The following CYP7B1 variants were observed in gnomAD, a reference collection of about 807,000 sequenced individuals.
The protein encoded by CYP7B1 is cytochrome P450 7B1.
CYP7B1 carries 29 observed loss-of-function variants against 42.7 expected under a neutral mutation model. That is an observed-to-expected ratio of 0.68 (90% CI 0.51 to 0.93). The LOEUF is 0.93. Among genes scored for constraint, CYP7B1 ranks in the 40% least tolerant of loss-of-function variants. The pLI, the probability that CYP7B1 is intolerant of heterozygous loss-of-function variation, is 0.00. For synonymous variants in CYP7B1, 235 were observed against 218.2 expected (o/e 1.08, Z -0.68); for missense variants, 655 against 600.5 (o/e 1.09, Z -0.95).
chr8:64,758,330 C>A (rs1807837159), intron 1 of CYP7B1, among the ~76,000 whole-genome samples: 1 of 152,158 alleles, frequency 6.6e-6, no homozygotes, highest in Middle Eastern at 3.2e-3. Flanking sequence ...CTGCTGCAGA[C>A]AATCTCCATC....
chr8:64,735,278 A>G (rs1807470257), intron 1 of CYP7B1, among the ~76,000 whole-genome samples: 2 of 152,248 alleles, frequency 1.3e-5, no homozygotes, highest in South Asian at 4.1e-4. Flanking sequence ...AATTATTTTG[A>G]GCTGATTTTG....
chr8:64,785,241 T>G (rs956939267), intron 1 of CYP7B1, among the ~76,000 whole-genome samples: 3 of 152,128 alleles, frequency 2.0e-5, no homozygotes, highest in African/African-American at 7.2e-5. Flanking sequence ...AAAGCAAGTC[T>G]CATTCATCGC....
intron 1 of CYP7B1, among the ~76,000 whole-genome samples, chr8:64,717,203 T>C (rs940852586): frequency 6.6e-6 from 1 of 152,222 alleles, no homozygotes; most frequent in Non-Finnish European, 1.5e-5. Flanking sequence ...CTTTTTTTTA[T>C]ACTTTTAAGT....
chr8:64,679,181 TATTC>T (rs757917504), intron 1 of CYP7B1, among the ~76,000 whole-genome samples: 1 of 152,080 alleles, frequency 6.6e-6, no homozygotes, highest in East Asian at 1.9e-4. Flanking sequence ...ACATTTCATA[TATTC>T]ATTCATTCAT....
intron 1 of CYP7B1, among the ~76,000 whole-genome samples, chr8:64,705,928 G>C (rs1585867727): frequency 6.6e-6 from 1 of 152,130 alleles, no homozygotes; most frequent in South Asian, 2.1e-4. Context: ...CAGAAAGATG[G>C]CACTTTGGTA....
chr8:64,769,892 C>A (rs1290217008), intron 1 of CYP7B1, among the ~76,000 whole-genome samples: 1 of 152,138 alleles, frequency 6.6e-6, no homozygotes, highest in Non-Finnish European at 1.5e-5. Flanking sequence ...GGCCAAGTAC[C>A]ACCACCTTCA....
At chr8:64,738,544 A>G (rs1355374149) in intron 1 of CYP7B1, among the ~76,000 whole-genome samples, 1 of 152,038 alleles carries the variant, frequency 6.6e-6, no homozygotes, top group East Asian at 1.9e-4. Context: ...AAACACACAC[A>G]CACGCACACA....
chr8:64,609,498 T>A (rs1805333579), intron 4 of CYP7B1, among the ~76,000 whole-genome samples: 2 of 152,186 alleles, frequency 1.3e-5, no homozygotes, highest in South Asian at 4.1e-4. Context: ...CCTTTCAAAG[T>A]ATGTAAAGAC....
chr8:64,733,559 C>T (rs553410147), intron 1 of CYP7B1, among the ~76,000 whole-genome samples: 1 of 152,130 alleles, frequency 6.6e-6, no homozygotes, highest in Non-Finnish European at 1.5e-5. Flanking sequence ...CTCTACCATA[C>T]GCTAGTACTG....
chr8:64,716,644 T>C (rs1032535884), intron 1 of CYP7B1, among the ~76,000 whole-genome samples: 5 of 151,934 alleles, frequency 3.3e-5, no homozygotes, highest in Non-Finnish European at 5.9e-5. Context: ...GAGGTGGAGG[T>C]TGCAGTGAGC....
chr8:64,798,678 C>T lies in CYP7B1; in HGVS notation c.-91G>A, dbSNP rs1804754168. 2 of 1,369,518 alleles carry T rather than the reference C, an allele frequency of 1.5e-6. No individual in the cohort carries two copies. The highest frequency in any genetic ancestry group is 1.5e-5 in the South Asian group (1 of 65,440). The allele number at this position is 1,369,518 out of a possible 1,614,324, so 84.8% of individuals were successfully genotyped here. A position where few individuals can be genotyped will look rare whatever the true frequency, so the allele number is the denominator to read the frequency against. ...TGCAGCCTGCGGCGGCTTCTCTCGG[C>T]GGCGCCCCCTAGTCCAGGGCCGGAG... On this transcript the variant is annotated 5_prime_UTR_variant, in exon 1 of 6. Coordinates refer to ENST00000310193, the MANE Select transcript of CYP7B1 (RefSeq NM_004820.5).
At chr8:64,627,903 A>G (rs1003270733) in intron 1 of CYP7B1, among the ~76,000 whole-genome samples, 2 of 152,240 alleles carry the variant, frequency 1.3e-5, no homozygotes, top group African/African-American at 4.8e-5. Context: ...GAGGAAAGAC[A>G]TCACCATAAT....
chr8:64,648,370 G>T (rs74652007), intron 1 of CYP7B1, among the ~76,000 whole-genome samples: 9,988 of 152,200 alleles, frequency 0.066, 398 homozygotes, highest in South Asian at 0.16. Flanking sequence ...AAGGAATATG[G>T]TTGTTAAAGA....
intron 1 of CYP7B1, among the ~76,000 whole-genome samples, chr8:64,709,287 T>C (rs1807045667): frequency 6.6e-6 from 1 of 152,202 alleles, no homozygotes. Context: ...AACAATAAAT[T>C]TGATCTTTTG....
chr8:64,749,842 G>T (rs549483879), intron 1 of CYP7B1, among the ~76,000 whole-genome samples: 1 of 152,276 alleles, frequency 6.6e-6, no homozygotes, highest in East Asian at 1.9e-4. Flanking sequence ...AAGGAGAAGA[G>T]AAAGGAAGCT....
At chr8:64,618,587 T>C (rs989406942) in intron 2 of CYP7B1, among the ~76,000 whole-genome samples, 1 of 151,454 alleles carries the variant, frequency 6.6e-6, no homozygotes, top group African/African-American at 2.4e-5. Flanking sequence ...TCTCTCTCTC[T>C]CTTTCTCTCT....
chr8:64,590,270 C>T (rs1363956383), downstream of CYP7B1, among the ~76,000 whole-genome samples: 1 of 152,222 alleles, frequency 6.6e-6, no homozygotes, highest in African/African-American at 2.4e-5. Context: ...TAGTGACTCA[C>T]ACCAGTGTCT....
At chr8:64,690,776 A>G (rs1489461392) in intron 1 of CYP7B1, among the ~76,000 whole-genome samples, 1 of 152,232 alleles carries the variant, frequency 6.6e-6, no homozygotes, top group East Asian at 1.9e-4. Context: ...TTTAGCTGGA[A>G]CTACTTCTCC....
chr8:64,790,003 T>C (rs1804592029), intron 1 of CYP7B1, among the ~76,000 whole-genome samples: 1 of 152,226 alleles, frequency 6.6e-6, no homozygotes, highest in African/African-American at 2.4e-5. Flanking sequence ...CCATGAACTG[T>C]GGTGACCACT....
Sources: gnomAD v4.1 joint callset for allele counts (sites outside exome capture counted in the v4.1 genomes callset) on GRCh38, gnomAD v4.1.1 for gene constraint, MANE v1.5 for transcripts, NCBI Gene and HGNC (gene_info 2026-07-23, HGNC 2026-07-21) for gene names.